Variants in DPY19L3 observed in about 807,000 individuals in gnomAD.
DPY19L3 encodes dpy-19 like C-mannosyltransferase 3, also known as protein C-mannosyl-transferase DPY19L3.
In DPY19L3, 51 loss-of-function variants were observed where a neutral mutation model predicts 92.3. That is an observed-to-expected ratio of 0.55 (90% confidence interval 0.44 to 0.70). The LOEUF is 0.70. Among genes scored for constraint, DPY19L3 ranks in the 30% least tolerant of loss-of-function variants. The pLI is 0.00. For synonymous variants in DPY19L3, 309 were observed against 315.2 expected, an observed-to-expected ratio of 0.98 and a Z score of 0.21; for missense variants, 706 against 855.9, an observed-to-expected ratio of 0.82 and a Z score of 2.18.
At chr19:32,416,872 G>C (rs1968396077) in intron 3 of DPY19L3, among the ~76,000 whole-genome samples, 1 of 152,172 alleles carries the variant, frequency 6.6e-6, no homozygotes, top group Admixed American at 6.5e-5. Context: ...GCCCTTTTCT[G>C]CTCCTTAGAA....
rs780771732 is a variant in DPY19L3 at position 32,453,135 on chromosome 19, G to A, written c.856-10G>A. ...AATGTCTGTACTCATCTAATCTTTGGTTCTTGCAGGCGACATGGCTGTATG... is the reference window on the plus strand; with the variant it reads ...AATGTCTGTACTCATCTAATCTTTGATTCTTGCAGGCGACATGGCTGTATG... On this transcript the variant is annotated splice_polypyrimidine_tract_variant and intron_variant, in intron 8 of 18. Coordinates refer to ENST00000392250, the MANE Select transcript of DPY19L3 (RefSeq NM_001172774.2). 5 of 1,613,548 alleles carry A rather than the reference G, an allele frequency of 3.1e-6. No homozygotes were observed. Among genetic ancestry groups the A allele is most frequent in the Non-Finnish European group, 4.2e-6 (5 of 1,179,906 alleles).
At chr19:32,411,780 C>T in intron 3 of DPY19L3, 1 of 183,014 alleles carries the variant, frequency 5.5e-6, no homozygotes, top group Non-Finnish European at 1.1e-5. Context: ...ATTGACCAGG[C>T]TGATCTCGAA....
At chr19:32,407,463 C>T (rs373924911) in intron 1 of DPY19L3, among the ~76,000 whole-genome samples, 1 of 152,208 alleles carries the variant, frequency 6.6e-6, no homozygotes, top group African/African-American at 2.4e-5. Context: ...AACACATTTA[C>T]TATGGAGTAT....
rs1422305544 is a variant in DPY19L3 at position 32,453,257 on chromosome 19, TC to T, written c.969del (p.Phe323LeufsTer10). 2 of 1,608,568 alleles carry T rather than the reference TC, an allele frequency of 1.2e-6. No homozygotes were observed. The highest frequency in any genetic ancestry group is 1.7e-6 in the Non-Finnish European group (2 of 1,178,826). ...SLLISFNLSV[F>X]IARKLQKNLK... ...CTTATCAGTTTTAACCTTTCAGTAT[TC>T]ATTGCAAGAAAACTTCAGGTAGGAC... On this transcript the variant is annotated frameshift_variant, in exon 9 of 19. Coordinates refer to ENST00000392250, the MANE Select transcript of DPY19L3 (RefSeq NM_001172774.2). LOFTEE classifies it high-confidence loss of function.
intron 12 of DPY19L3, among the ~76,000 whole-genome samples, chr19:32,459,146 T>A (rs1969960467): frequency 6.6e-6 from 1 of 152,184 alleles, no homozygotes. Context: ...CTGCCAATTT[T>A]AAAAAACTAA....
At chr19:32,424,077 G>A (rs1335867044) in intron 3 of DPY19L3, among the ~76,000 whole-genome samples, 1 of 151,954 alleles carries the variant, frequency 6.6e-6, no homozygotes, top group Non-Finnish European at 1.5e-5. Context: ...GCACTCTGGA[G>A]GGCAAAAGGT....
At position 32,472,194 on chromosome 19, in the gene DPY19L3, C is replaced by T. The variant is rs549016103; in HGVS notation, c.1697+3381C>T. ...AGTAATAGAAAATGTTTTATGCTTTCCTATCTTTAGCTCCTAAAAGGAGTA... is the reference window on the plus strand; with the variant it reads ...AGTAATAGAAAATGTTTTATGCTTTTCTATCTTTAGCTCCTAAAAGGAGTA... On this transcript the variant is annotated intron_variant, in intron 16 of 18. Transcript: ENST00000392250. 2.6e-5 allele frequency among the ~76,000 whole-genome samples: 4 copies of T among 152,292 alleles called. No homozygotes were observed. In the South Asian group the frequency reaches 8.3e-4, roughly 32 times the overall value.
At chr19:32,466,246 C>G (rs1344222061) in intron 15 of DPY19L3, among the ~76,000 whole-genome samples, 1 of 152,148 alleles carries the variant, frequency 6.6e-6, no homozygotes, top group African/African-American at 2.4e-5. Context: ...AAGCGTGGTC[C>G]TCAGATAAAC....
At chr19:32,455,103 T>A (rs1969825415) in intron 10 of DPY19L3, 63 bp downstream of exon 10, 2 of 1,100,694 alleles carry the variant, frequency 1.8e-6, no homozygotes, top group Admixed American at 5.5e-5. Context: ...TGGAGATAAT[T>A]TTTGAAACTT....
At chr19:32,435,776 C>G (rs1969118008) in intron 4 of DPY19L3, among the ~76,000 whole-genome samples, 1 of 152,152 alleles carries the variant, frequency 6.6e-6, no homozygotes, top group African/African-American at 2.4e-5. Flanking sequence ...CCATTCATGC[C>G]TTGGATTAAT....
intron 15 of DPY19L3, chr19:32,468,267 G>A (rs750147028): frequency 9.6e-5 from 94 of 980,718 alleles, no homozygotes; most frequent in East Asian, 4.5e-4. Flanking sequence ...AAACAAGGCC[G>A]TATTCTAAAG....
At chr19:32,455,435 TACTC>T (rs1210007416) in intron 10 of DPY19L3, among the ~76,000 whole-genome samples, 2 of 152,230 alleles carry the variant, frequency 1.3e-5, no homozygotes, top group Admixed American at 6.5e-5. Flanking sequence ...ACCTTGAACT[TACTC>T]ACCTTTTGTT....
At chr19:32,409,414 C>T (rs1450606904) in intron 2 of DPY19L3, among the ~76,000 whole-genome samples, 9 of 152,196 alleles carry the variant, frequency 5.9e-5, no homozygotes, top group African/African-American at 2.2e-4. Context: ...TTTATAGCTG[C>T]CACTGTAGAA....
At chr19:32,432,229 T>C (rs1244223315) in intron 3 of DPY19L3, among the ~76,000 whole-genome samples, 1 of 152,222 alleles carries the variant, frequency 6.6e-6, no homozygotes, top group Non-Finnish European at 1.5e-5. Context: ...AAATATTTCA[T>C]GTATCCATTT....
At chr19:32,464,686 G>GA in intron 14 of DPY19L3, 42 bp from the exon 15 acceptor site, 1 of 1,293,260 alleles carries the variant, frequency 7.7e-7, no homozygotes, top group African/African-American at 1.6e-5. Context: ...AAAAGAAAAG[G>GA]TTCAAAATAC....
chr19:32,474,832 TCC>T (rs2145629548), intron 16 of DPY19L3, among the ~76,000 whole-genome samples: 1 of 152,188 alleles, frequency 6.6e-6, no homozygotes, highest in Non-Finnish European at 1.5e-5. Flanking sequence ...TCAAGTGATC[TCC>T]CCACCTGGCC....
At position 32,421,645 on chromosome 19, in the gene DPY19L3, A is replaced by AAG. The variant is rs571280353; in HGVS notation, c.237+10280_237+10281dup. On this transcript the variant is annotated intron_variant, in intron 3 of 18. Coordinates refer to ENST00000392250, the MANE Select transcript of DPY19L3 (RefSeq NM_001172774.2). The stretch of plus-strand genomic sequence containing the variant: ...TTCATCTCAAAAAAAAAAAAAAAAA[A>AAG]AGAGAGAGGAGTCTGTAAGCTGCAG... 2.4e-3 allele frequency among the ~76,000 whole-genome samples: 90 copies of AAG among 38,132 alleles called. 2 individuals carry two copies. The highest frequency in any genetic ancestry group is 3.7e-3 in the African/African-American group (54 of 14,642). 25.0% of individuals were successfully genotyped at this position (38,132 alleles called of 152,430 possible).
chr19:32,466,286 C>T (rs1387724323), intron 15 of DPY19L3, among the ~76,000 whole-genome samples: 2 of 152,188 alleles, frequency 1.3e-5, no homozygotes, highest in African/African-American at 4.8e-5. Context: ...ATCCTGTAAA[C>T]ATGCATGTGT....
In DPY19L3 at chr19:32,453,053, A is replaced by G. The variant is rs1469945341; in HGVS notation, c.856-92A>G. 16 of 1,381,166 alleles carry G rather than the reference A, an allele frequency of 1.2e-5. No homozygotes were observed. In the Admixed American group the frequency reaches 3.1e-4, roughly 26 times the overall value. 85.6% of individuals were successfully genotyped at this position (1,381,166 alleles called of 1,614,324 possible). Reference sequence around the variant, plus strand: ...ACATGTGTTTTCTGCATTATTTGTAAGCTGAGGTGTATCCACCTCATGACC... The same window carrying G: ...ACATGTGTTTTCTGCATTATTTGTAGGCTGAGGTGTATCCACCTCATGACC... On this transcript the variant is annotated intron_variant, in intron 8 of 18. Transcript: ENST00000392250.
Sources: gnomAD v4.1 joint callset for allele counts (sites outside exome capture counted in the v4.1 genomes callset) on GRCh38, gnomAD v4.1.1 for gene constraint, MANE v1.5 for transcripts, NCBI Gene and HGNC (gene_info 2026-07-23, HGNC 2026-07-21) for gene names.